Variants in PPARGC1A observed in about 807,000 individuals in gnomAD.
The protein encoded by PPARGC1A is PPARG coactivator 1 alpha, also known as peroxisome proliferator-activated receptor gamma coactivator 1-alpha.
A neutral mutation model predicts 88.7 loss-of-function variants in PPARGC1A; 25 were observed. That is an observed-to-expected ratio of 0.28 (90% CI 0.21 to 0.39). The LOEUF is 0.39. Ranked by LOEUF, PPARGC1A falls within the 10% of genes least tolerant of loss-of-function variation. PPARGC1A has a pLI of 1.00. For synonymous variants in PPARGC1A, 363 were observed against 355.6 expected, an observed-to-expected ratio of 1.02 and a Z score of -0.24; for missense variants, 880 against 968.7, an observed-to-expected ratio of 0.91 and a Z score of 1.22.
the PPARGC1A span, among the ~76,000 whole-genome samples, chr4:24,071,259 T>C: frequency 6.6e-6 from 1 of 152,116 alleles, no homozygotes; most frequent in African/African-American, 2.4e-5. Flanking sequence ...TTCCCCAATC[T>C]TTATACTTTC....
the PPARGC1A span, among the ~76,000 whole-genome samples, chr4:24,234,530 A>G: frequency 6.6e-6 from 1 of 152,206 alleles, no homozygotes; most frequent in East Asian, 1.9e-4. Context: ...GGGAAGGAAG[A>G]CAGGGAAGAA....
chr4:24,120,105 T>A, the PPARGC1A span, among the ~76,000 whole-genome samples: 14 of 152,182 alleles, frequency 9.2e-5, no homozygotes, highest in African/African-American at 3.4e-4. Context: ...TTATGTAATA[T>A]TTGCATAAAT....
chr4:24,066,964 G>C, the PPARGC1A span, among the ~76,000 whole-genome samples: 1 of 150,000 alleles, frequency 6.7e-6, no homozygotes, highest in South Asian at 2.1e-4. Context: ...TTTCAGTGGA[G>C]AAAGCTATGT....
the PPARGC1A span, among the ~76,000 whole-genome samples, chr4:24,294,461 A>C: frequency 6.6e-6 from 1 of 152,194 alleles, no homozygotes; most frequent in African/African-American, 2.4e-5. Context: ...CTTATCTATT[A>C]CTACAAATTA....
the PPARGC1A span, among the ~76,000 whole-genome samples, chr4:23,998,667 T>C: frequency 2.0e-5 from 3 of 152,210 alleles, no homozygotes; most frequent in African/African-American, 7.2e-5. Flanking sequence ...ATGGGCCAGA[T>C]ATAGATATAA....
chr4:24,173,749 T>C, the PPARGC1A span, among the ~76,000 whole-genome samples: 1 of 152,184 alleles, frequency 6.6e-6, no homozygotes, highest in Non-Finnish European at 1.5e-5. Context: ...ACATAACCAA[T>C]CTCCAAGCAT....
chr4:24,213,822 T>C, the PPARGC1A span, among the ~76,000 whole-genome samples: 1 of 152,226 alleles, frequency 6.6e-6, no homozygotes, highest in Non-Finnish European at 1.5e-5. Flanking sequence ...GGATGTTAGC[T>C]CAGGTAATTT....
At chr4:23,797,224 T>C (rs1279318955) in intron 12 of PPARGC1A, among the ~76,000 whole-genome samples, 2 of 152,126 alleles carry the variant, frequency 1.3e-5, no homozygotes, top group African/African-American at 2.4e-5. Flanking sequence ...CTTTCCTCAA[T>C]AGCATCTTAA....
the PPARGC1A span, among the ~76,000 whole-genome samples, chr4:24,041,676 C>A: frequency 6.6e-6 from 1 of 152,224 alleles, no homozygotes; most frequent in East Asian, 1.9e-4. Context: ...TCATTCTCTG[C>A]AGAAAATGCA....
the PPARGC1A span, among the ~76,000 whole-genome samples, chr4:24,192,812 G>A: frequency 6.6e-6 from 1 of 152,152 alleles, no homozygotes; most frequent in East Asian, 1.9e-4. Context: ...AATAATTATA[G>A]CTACACTGTA....
the PPARGC1A span, among the ~76,000 whole-genome samples, chr4:24,142,613 G>T: frequency 2.0e-4 from 31 of 152,068 alleles, no homozygotes; most frequent in East Asian, 5.4e-3. Context: ...GGTGGAGGTT[G>T]TAGTGAGCAG....
intron 2 of PPARGC1A, among the ~76,000 whole-genome samples, chr4:23,851,125 C>T (rs1358606635): frequency 6.6e-6 from 1 of 152,148 alleles, no homozygotes; most frequent in Non-Finnish European, 1.5e-5. Context: ...ATCTCACAAA[C>T]TCAAGATCCA....
the PPARGC1A span, among the ~76,000 whole-genome samples, chr4:24,060,119 C>A: frequency 5.3e-5 from 8 of 152,152 alleles, no homozygotes; most frequent in African/African-American, 1.9e-4. Flanking sequence ...CAGCACACAG[C>A]TTTAAGCTCT....
At chr4:24,063,473 G>A in the PPARGC1A span, among the ~76,000 whole-genome samples, 51 of 152,186 alleles carry the variant, frequency 3.4e-4, no homozygotes, top group Admixed American at 8.5e-4. Context: ...AGTAGGTAGG[G>A]AGTGACTTCT....
chr4:24,412,101 A>T, the PPARGC1A span, among the ~76,000 whole-genome samples: 1 of 152,234 alleles, frequency 6.6e-6, no homozygotes, highest in Admixed American at 6.5e-5. Flanking sequence ...ACAGTCTTTC[A>T]AAGTGGCTGT....
the PPARGC1A span, among the ~76,000 whole-genome samples, chr4:24,231,611 G>T: frequency 6.6e-6 from 1 of 152,202 alleles, no homozygotes; most frequent in Admixed American, 6.5e-5. Context: ...TAGCTGCCCA[G>T]CTGCAGTTTG....
intron 2 of PPARGC1A, among the ~76,000 whole-genome samples, chr4:23,861,231 G>A (rs1202424715): frequency 2.0e-5 from 3 of 152,144 alleles, no homozygotes; most frequent in Non-Finnish European, 4.4e-5. Context: ...AAACATCAAT[G>A]CACAAAAACC....
chr4:24,335,496 CTT>C, the PPARGC1A span, among the ~76,000 whole-genome samples: 1 of 152,134 alleles, frequency 6.6e-6, no homozygotes, highest in African/African-American at 2.4e-5. Context: ...TATCAGAAGT[CTT>C]TGTGAATGCC....
At chr4:24,470,805 G>C in the PPARGC1A span, among the ~76,000 whole-genome samples, 6 of 151,608 alleles carry the variant, frequency 4.0e-5, no homozygotes, top group Admixed American at 1.3e-4. The surrounding 1 kb of genome is among the most constrained non-coding windows in gnomAD (Gnocchi z 5.8). Flanking sequence ...CCAAGGCTCC[G>C]GGCGGCCCTT....
Sources: gnomAD v4.1 joint callset for allele counts (sites outside exome capture counted in the v4.1 genomes callset) on GRCh38, gnomAD v4.1.1 for gene constraint, Gnocchi (gnomAD v3.1) non-coding constraint, MANE v1.5 for transcripts, NCBI Gene and HGNC (gene_info 2026-07-23, HGNC 2026-07-21) for gene names.